The following NAT10 variants were observed in gnomAD, a reference collection of about 807,000 sequenced individuals.
NAT10 encodes N-acetyltransferase 10.
NAT10 carries 109 observed loss-of-function variants against 132.2 expected under a neutral mutation model. That is an observed-to-expected ratio of 0.82 (90% CI 0.71 to 0.97). The LOEUF (loss-of-function observed/expected upper bound fraction) is 0.97. Among genes scored for constraint, NAT10 ranks in the 50% least tolerant of loss-of-function variants. NAT10 has a pLI of 0.00. For synonymous variants in NAT10, 479 were observed against 478.0 expected (o/e 1.00, Z -0.03); for missense variants, 1,184 against 1,263.4 (o/e 0.94, Z 0.95).
intron 6 of NAT10, 78 bp from the exon 7 acceptor site, chr11:34,118,102 T>C (rs1480841413): frequency 6.3e-5 from 77 of 1,228,996 alleles, no homozygotes; most frequent in Admixed American, 3.2e-4. Context: ...CCAGTTAATT[T>C]TTTTGAAGAA....
Position 34,138,905 on chromosome 11 carries a change from G to A in NAT10, c.2212-286G>A, listed in dbSNP as rs1403320410. 7.8e-6 allele frequency: 3 copies of A among 384,058 alleles called. No individual in the cohort carries two copies. In the Admixed American group the frequency reaches 1.2e-4, roughly 15 times the overall value. 23.8% of individuals were successfully genotyped at this position (384,058 alleles called of 1,614,324 possible). A position where few individuals can be genotyped will look rare whatever the true frequency, so the allele number is the denominator to read the frequency against. On this transcript the variant is annotated intron_variant, in intron 21 of 28. Transcript: ENST00000257829. Reference sequence around the variant, plus strand: ...CACATATTTCCCTCCCGCACGTCCCGAGCAAGAGGCAGGCCCAGAAGAGCC... The same window carrying A: ...CACATATTTCCCTCCCGCACGTCCCAAGCAAGAGGCAGGCCCAGAAGAGCC...
chr11:34,140,334 G>A, intron 23 of NAT10, 66 bp from the exon 24 acceptor site: 1 of 1,478,004 alleles, frequency 6.8e-7, no homozygotes, highest in Non-Finnish European at 9.3e-7. Flanking sequence ...GCCGCCTGGG[G>A]GCTGTGTGCT....
In NAT10 at chr11:34,131,386, A is replaced by G; in HGVS notation, c.1375A>G (p.Thr459Ala). The G allele has an allele frequency of 6.2e-7, 1 of 1,612,606 alleles. No homozygotes were observed. The highest frequency in any genetic ancestry group is 1.1e-5 in the South Asian group (1 of 90,850). ...TTTARLASAR[T>A]LYEVSLQESI... is the part of the protein sequence containing the mutation. ...TGTGTGATTGTGGGGAGCAGCGCGGACACTGTATGAGGTTTCCCTCCAGGA... is the reference window on the plus strand; with the variant it reads ...TGTGTGATTGTGGGGAGCAGCGCGGGCACTGTATGAGGTTTCCCTCCAGGA... Residue 459 changes from threonine to alanine, a missense_variant, in exon 14 of 29, where the codon ACA (threonine) becomes GCA (alanine). Coordinates refer to ENST00000257829, the MANE Select transcript of NAT10 (RefSeq NM_024662.3).
At chr11:34,123,905 C>G (rs1286436486) in intron 10 of NAT10, 50 bp downstream of exon 10, 1 of 1,438,108 alleles carries the variant, frequency 7.0e-7, no homozygotes, top group Non-Finnish European at 9.8e-7. Flanking sequence ...TGTGGTGGCT[C>G]ACGCCTGTAA....
intron 11 of NAT10, among the ~76,000 whole-genome samples, chr11:34,124,681 ATCTT>A (rs1312921198): frequency 1.8e-4 from 28 of 152,332 alleles, no homozygotes; most frequent in African/African-American, 5.3e-4. Context: ...CTAAAAGAGA[ATCTT>A]TCTTCTGACA....
Position 34,112,043 on chromosome 11 carries a change from T to G in NAT10, c.201-9T>G, listed in dbSNP as rs1430565899. On this transcript the variant is annotated splice_polypyrimidine_tract_variant and intron_variant, in intron 3 of 28. Transcript: ENST00000257829. ...TGGCTCTCATGGGATTGGGGGTGTG[T>G]GATTGCAGTCACCGGAAGAAAAGAA... 3.7e-6 allele frequency: 6 copies of G among 1,613,828 alleles called. No individual in the cohort carries two copies. Among genetic ancestry groups the G allele is most frequent in the Non-Finnish European group, 5.1e-6 (6 of 1,179,938 alleles).
Position 34,127,451 on chromosome 11 carries a change from C to T in NAT10, c.1108-12C>T, listed in dbSNP as rs1852016307. On this transcript the variant is annotated splice_polypyrimidine_tract_variant and intron_variant, in intron 11 of 28. Transcript: ENST00000257829. Reference sequence around the variant, plus strand: ...TCACTATGCTAATAATCTAAATTTTCCTTCCCCATAGTATATACATCCTGC... The same window carrying T: ...TCACTATGCTAATAATCTAAATTTTTCTTCCCCATAGTATATACATCCTGC... 1 of 1,586,114 alleles carries T rather than the reference C, an allele frequency of 6.3e-7. No homozygotes were observed. The highest frequency in any genetic ancestry group is 8.6e-7 in the Non-Finnish European group (1 of 1,161,024).
chr11:34,112,728 A>G (rs1851716440), intron 4 of NAT10, among the ~76,000 whole-genome samples: 1 of 152,174 alleles, frequency 6.6e-6, no homozygotes, highest in Non-Finnish European at 1.5e-5. Context: ...CTACTTGGTG[A>G]ATTTCTGCAC....
intron 8 of NAT10, among the ~76,000 whole-genome samples, chr11:34,121,407 C>T (rs1053715491): frequency 6.6e-6 from 1 of 151,994 alleles, no homozygotes; most frequent in Non-Finnish European, 1.5e-5. Context: ...ATCAAGTTAT[C>T]AGGGAAGAAT....
At chr11:34,132,924 G>A in intron 15 of NAT10, 102 bp from the exon 16 acceptor site, 1 of 899,890 alleles carries the variant, frequency 1.1e-6, no homozygotes, top group Non-Finnish European at 1.8e-6. Flanking sequence ...CTTGGCTTTG[G>A]AGAAGGCCAT....
chr11:34,126,190 G>A (rs922911380), intron 11 of NAT10, among the ~76,000 whole-genome samples: 1 of 152,164 alleles, frequency 6.6e-6, no homozygotes, highest in African/African-American at 2.4e-5. Flanking sequence ...ATGTCATTTA[G>A]ATTTTTGTTT....
chr11:34,122,393 A>G (rs1851909568), intron 8 of NAT10, 66 bp from the exon 9 acceptor site: 1 of 1,600,542 alleles, frequency 6.2e-7, no homozygotes, highest in Non-Finnish European at 8.6e-7. Context: ...CTCCACAGTG[A>G]TGGTGATGAA....
At chr11:34,108,391 G>A (rs1565105057) in intron 2 of NAT10, 58 bp downstream of exon 2, 2 of 1,371,906 alleles carry the variant, frequency 1.5e-6, no homozygotes, top group Non-Finnish European at 2.1e-6. Flanking sequence ...GAATCAGCAT[G>A]TTTAAGCACT....
At chr11:34,113,542 C>T (rs1349197698) in intron 4 of NAT10, among the ~76,000 whole-genome samples, 174 bp from the exon 5 acceptor site, 1 of 149,216 alleles carries the variant, frequency 6.7e-6, no homozygotes, top group East Asian at 2.0e-4. Context: ...GTGGCTCATG[C>T]CTGTAATCCC....
Position 34,146,305 on chromosome 11 carries a change from G to C in NAT10, c.*113G>C. 1 of 775,198 alleles carries C rather than the reference G, an allele frequency of 1.3e-6. No individual in the cohort carries two copies. Among genetic ancestry groups the C allele is most frequent in the East Asian group, 2.8e-5 (1 of 35,880 alleles). 48.0% of individuals were successfully genotyped at this position (775,198 alleles called of 1,614,324 possible). A position where few individuals can be genotyped will look rare whatever the true frequency, so the allele number is the denominator to read the frequency against. On this transcript the variant is annotated 3_prime_UTR_variant, in exon 29 of 29. Coordinates refer to ENST00000257829, the MANE Select transcript of NAT10 (RefSeq NM_024662.3). ...AGAGGCCCCGGCACACCTGGAAGCTGGCCGCGAATTCGGCCTCTGGGCCTG... is the reference window on the plus strand; with the variant it reads ...AGAGGCCCCGGCACACCTGGAAGCTCGCCGCGAATTCGGCCTCTGGGCCTG...
At chr11:34,109,154 T>C (rs1565105467) in intron 3 of NAT10, among the ~76,000 whole-genome samples, 3 of 152,128 alleles carry the variant, frequency 2.0e-5, no homozygotes, top group African/African-American at 7.2e-5. Context: ...TCACTCTCTC[T>C]CTTTTTCTCC....
In NAT10 at chr11:34,134,606, C is replaced by G. The variant is rs750767839; in HGVS notation, c.1911+20C>G. 1.2e-6 allele frequency: 2 copies of G among 1,613,214 alleles called. No homozygotes were observed. The highest frequency in any genetic ancestry group is 1.7e-6 in the Non-Finnish European group (2 of 1,179,426). On this transcript the variant is annotated intron_variant, in intron 18 of 28. Coordinates refer to ENST00000257829, the MANE Select transcript of NAT10 (RefSeq NM_024662.3). ...CAAGGGGTAATGTGTCCTCAGGCTC[C>G]CCTGAAGCCGTGTTGCTGGCGGTGC...
intron 6 of NAT10, among the ~76,000 whole-genome samples, chr11:34,116,255 G>T (rs1851780494): frequency 1.3e-5 from 2 of 152,064 alleles, no homozygotes; most frequent in Admixed American, 6.5e-5. Flanking sequence ...TGACGTACTG[G>T]CATAGTAAAA....
In NAT10 at chr11:34,140,397, C is replaced by G. The variant is rs373903748; in HGVS notation, c.2420-3C>G. ...CCTGTCTAGCTCTCTATCCCATGGA[C>G]AGCCCTGAGCCGGGAGGAGCTGGAA... On this transcript the variant is annotated splice_polypyrimidine_tract_variant and splice_region_variant and intron_variant, in intron 23 of 28. Coordinates refer to ENST00000257829, the MANE Select transcript of NAT10 (RefSeq NM_024662.3). The G allele has an allele frequency of 1.2e-6, 2 of 1,611,856 alleles. No homozygotes were observed. Among genetic ancestry groups the G allele is most frequent in the Admixed American group, 1.7e-5 (1 of 59,974 alleles).
Sources: allele counts gnomAD v4.1 joint callset (sites outside exome capture counted in the v4.1 genomes callset), GRCh38; gene constraint gnomAD v4.1.1; transcripts MANE v1.5; gene names NCBI Gene and HGNC (gene_info 2026-07-23, HGNC 2026-07-21).